The following RUVBL1 variants were observed in gnomAD, a reference collection of about 807,000 sequenced individuals.
The protein encoded by RUVBL1 is ruvB-like 1.
A neutral mutation model predicts 52.4 loss-of-function variants in RUVBL1; 4 were observed. That is an observed-to-expected ratio of 0.08 (90% CI 0.04 to 0.17). The LOEUF (loss-of-function observed/expected upper bound fraction) is 0.17, where lower values mean the gene tolerates loss of function less well. Among genes scored for constraint, RUVBL1 ranks in the 10% least tolerant of loss-of-function variants. RUVBL1 has a pLI of 1.00. For missense variants in RUVBL1, 298 were observed against 572.8 expected (o/e 0.52, Z 4.90); for synonymous variants, 217 against 214.4 (o/e 1.01, Z -0.10).
chr3:128,132,859 A>C (rs900785921), intron 1 of RUVBL1, among the ~76,000 whole-genome samples: 38 of 152,186 alleles, frequency 2.5e-4, no homozygotes, highest in African/African-American at 8.9e-4. Flanking sequence ...GTTTGAAGAA[A>C]GGAAAGAATA....
chr3:128,128,202 G>A (rs551106512), upstream of RUVBL1, among the ~76,000 whole-genome samples: 1 of 152,200 alleles, frequency 6.6e-6, no homozygotes, highest in South Asian at 2.1e-4. Context: ...TGGCTAAGCT[G>A]GTCTTGAATT....
At chr3:128,121,156 C>T (rs1283345820) in intron 1 of RUVBL1, among the ~76,000 whole-genome samples, 16 of 151,812 alleles carry the variant, frequency 1.1e-4, no homozygotes, top group Admixed American at 7.2e-4. Flanking sequence ...AGCGCAATGG[C>T]GCGATCTCAG....
At chr3:128,099,485 G>A (rs1262105931) in intron 6 of RUVBL1, among the ~76,000 whole-genome samples, 1 of 152,174 alleles carries the variant, frequency 6.6e-6, no homozygotes, top group Non-Finnish European at 1.5e-5. Flanking sequence ...TTATATTGCT[G>A]TGCCTCCTCT....
chr3:128,074,868 TAAAA>T (rs955898803), intron 9 of RUVBL1, among the ~76,000 whole-genome samples: 5 of 123,118 alleles, frequency 4.1e-5, no homozygotes, highest in East Asian at 4.3e-4. Context: ...AAAAAAAACT[TAAAA>T]AACCATAATC....
At chr3:128,150,354 A>C (rs1576494772) in intron 1 of RUVBL1, among the ~76,000 whole-genome samples, 1 of 152,034 alleles carries the variant, frequency 6.6e-6, no homozygotes, top group East Asian at 1.9e-4. Context: ...ATATATATAT[A>C]TCTCCTAAGC....
chr3:128,148,072 TA>T (rs1458082327), intron 1 of RUVBL1, among the ~76,000 whole-genome samples: 1 of 152,046 alleles, frequency 6.6e-6, no homozygotes, highest in Non-Finnish European at 1.5e-5. Context: ...AGAACATAGA[TA>T]ACTATCTGCC....
chr3:128,146,897 G>A (rs1001565799), intron 1 of RUVBL1, among the ~76,000 whole-genome samples: 1 of 152,254 alleles, frequency 6.6e-6, no homozygotes, highest in Non-Finnish European at 1.5e-5. Flanking sequence ...CTGTGCTGCT[G>A]TAAGGACTGT....
At chr3:128,069,701 G>A (rs761982000) in intron 9 of RUVBL1, 5 of 1,592,124 alleles carry the variant, frequency 3.1e-6, no homozygotes, top group Non-Finnish European at 4.3e-6. Context: ...TGCTCCAGAA[G>A]CGCCTCGGAA....
At chr3:128,128,374 C>T (rs537084018), upstream of RUVBL1, among the ~76,000 whole-genome samples, 1 of 152,290 alleles carries the variant, frequency 6.6e-6, no homozygotes, top group African/African-American at 2.4e-5. Flanking sequence ...AGAGAAGTCA[C>T]TTTATCTCAC....
chr3:128,090,334 A>G (rs1423449663), intron 8 of RUVBL1, among the ~76,000 whole-genome samples: 2 of 152,172 alleles, frequency 1.3e-5, no homozygotes, highest in East Asian at 3.8e-4. Context: ...GATTGAGACC[A>G]CGGTGAAACC....
At chr3:128,121,278 T>C (rs1943640947) in intron 1 of RUVBL1, among the ~76,000 whole-genome samples, 2 of 151,634 alleles carry the variant, frequency 1.3e-5, no homozygotes, top group African/African-American at 4.8e-5. Context: ...GTATTTTTAG[T>C]AGAGACAGGG....
intron 1 of RUVBL1, among the ~76,000 whole-genome samples, chr3:128,146,380 CTG>C (rs970552203): frequency 4.6e-5 from 7 of 150,640 alleles, no homozygotes; most frequent in African/African-American, 7.4e-5. Context: ...TTGCCTGCTG[CTG>C]TGAGCAAGTG....
intron 1 of RUVBL1, among the ~76,000 whole-genome samples, chr3:128,135,284 G>C (rs1943932661): frequency 6.6e-6 from 1 of 152,238 alleles, no homozygotes; most frequent in Admixed American, 6.5e-5. Flanking sequence ...TGTAATCCCA[G>C]CACTTTGGGA....
intron 3 of RUVBL1, among the ~76,000 whole-genome samples, chr3:128,109,912 T>A (rs1158022935): frequency 7.2e-6 from 1 of 139,690 alleles, no homozygotes; most frequent in African/African-American, 2.7e-5. Flanking sequence ...ACCTCCCGGG[T>A]TCAAGCAATT....
chr3:128,123,250 C>A (rs1378747301), intron 1 of RUVBL1, among the ~76,000 whole-genome samples: 4 of 152,118 alleles, frequency 2.6e-5, no homozygotes, highest in Non-Finnish European at 5.9e-5. Context: ...AATGTAAGCT[C>A]CTATCTTAAT....
chr3:128,122,035 G>A (rs1391063673), intron 1 of RUVBL1, among the ~76,000 whole-genome samples: 1 of 152,202 alleles, frequency 6.6e-6, no homozygotes, highest in Non-Finnish European at 1.5e-5. Flanking sequence ...TAGCTGAGGT[G>A]GGTCTTAGGC....
chr3:128,103,562 T>A (rs529684736), intron 4 of RUVBL1, among the ~76,000 whole-genome samples: 6 of 152,232 alleles, frequency 3.9e-5, no homozygotes, highest in African/African-American at 1.2e-4. Context: ...ATGGAGAAAT[T>A]ATATGGTCAA....
intron 2 of RUVBL1, among the ~76,000 whole-genome samples, chr3:128,116,606 G>A (rs1313453031): frequency 6.6e-6 from 1 of 151,212 alleles, no homozygotes. Context: ...TGATATTCTG[G>A]TGTTTTTTAA....
chr3:128,130,354 G>A (rs1354621457), intron 1 of RUVBL1, among the ~76,000 whole-genome samples: 1 of 151,966 alleles, frequency 6.6e-6, no homozygotes, highest in African/African-American at 2.4e-5. Flanking sequence ...AGAAAAAGTA[G>A]AAAATCTTAA....
Sources: gnomAD v4.1 joint callset for allele counts (sites outside exome capture counted in the v4.1 genomes callset) on GRCh38, gnomAD v4.1.1 for gene constraint, MANE v1.5 for transcripts, NCBI Gene and HGNC (gene_info 2026-07-23, HGNC 2026-07-21) for gene names.